The following FGF13 variants were observed in gnomAD, a reference collection of about 807,000 sequenced individuals.
The protein encoded by FGF13 is fibroblast growth factor 13, also known as fibroblast growth factor homologous factor 2.
FGF13 carries 2 observed loss-of-function variants against 19.5 expected under a neutral mutation model. That is an observed-to-expected ratio of 0.10 (90% CI 0.04 to 0.32). The LOEUF (loss-of-function observed/expected upper bound fraction) is 0.32, where lower values mean the gene tolerates loss of function less well. Among genes scored for constraint, FGF13 ranks in the 10% least tolerant of loss-of-function variants. The pLI is 1.00. For synonymous variants in FGF13, 72 were observed against 76.9 expected (o/e 0.94, Z 0.33); for missense variants, 113 against 192.7 (o/e 0.59, Z 2.45).
chrX:139,003,841 C>T (rs997867479), intron 1 of FGF13, among the ~76,000 whole-genome samples: 1 of 111,342 alleles, frequency 9.0e-6, no homozygotes, highest in African/African-American at 3.3e-5. Flanking sequence ...TACAGAATGT[C>T]GATTGGTGCA....
At chrX:138,862,243 A>G (rs1251406046) in intron 2 of FGF13, among the ~76,000 whole-genome samples, 1 of 111,899 alleles carries the variant, frequency 8.9e-6, no homozygotes, top group African/African-American at 3.2e-5. Context: ...GCTGGCTTCA[A>G]GCTGGAAGCA....
rs761103525 is a variant in FGF13 at position 138,616,253 on chromosome X, AT to A, written c.*16596del. The A allele has an allele frequency of 8.9e-6, 1 of 112,655 alleles. No individual in the cohort carries two copies. The highest frequency in any genetic ancestry group is 3.2e-5 in the African/African-American group (1 of 31,000). 9.3% of individuals were successfully genotyped at this position (112,655 alleles called of 1,213,427 possible). On this transcript the variant is annotated 3_prime_UTR_variant, in exon 5 of 5. Coordinates refer to ENST00000315930, the MANE Select transcript of FGF13 (RefSeq NM_004114.5). ...GCAAGTTAGTTATTTCCAAGATACA[AT>A]GGGGGTACAGGAATTGAGTAAAAAT... is the stretch of plus-strand genomic sequence containing the variant.
intron 1 of FGF13, among the ~76,000 whole-genome samples, chrX:138,984,619 AGGAAGAG>A (rs1234473166): frequency 4.3e-4 from 29 of 66,879 alleles, no homozygotes; most frequent in East Asian, 1.2e-3. Flanking sequence ...GAGGAGGATG[AGGAAGAG>A]GAGGAGGAGG....
rs370727756 is a variant in FGF13 at position 138,625,143 on chromosome X, CAT to C, written c.*7705_*7706del. On this transcript the variant is annotated 3_prime_UTR_variant, in exon 5 of 5. Coordinates refer to ENST00000315930, the MANE Select transcript of FGF13 (RefSeq NM_004114.5). The stretch of plus-strand genomic sequence containing the variant: ...ATCAAAACCACAATGTAATATCACA[CAT>C]GTTATTAATAGGAATAATATTATCC... The C allele has an allele frequency of 2.4e-4, 27 of 110,432 alleles. No homozygotes were observed. The highest frequency in any genetic ancestry group is 5.6e-4 in the African/African-American group (17 of 30,448). The allele number at this position is 110,432 out of a possible 1,213,427, so 9.1% of individuals were successfully genotyped here. A position where few individuals can be genotyped will look rare whatever the true frequency, so the allele number is the denominator to read the frequency against.
chrX:138,827,809 CCCTT>C (rs2091044032), intron 3 of FGF13, among the ~76,000 whole-genome samples: 1 of 111,779 alleles, frequency 8.9e-6, no homozygotes, highest in Non-Finnish European at 1.9e-5. Flanking sequence ...AAAATAATTT[CCCTT>C]TATTGATTAC....
At chrX:138,768,726 T>TATATATATATATATA (rs1226957604) in intron 3 of FGF13, among the ~76,000 whole-genome samples, 25 of 97,856 alleles carry the variant, frequency 2.6e-4, no homozygotes, top group African/African-American at 9.1e-4. Flanking sequence ...TAAGTATATA[T>TATATATATATATATA]TATATATATA....
intron 3 of FGF13, among the ~76,000 whole-genome samples, chrX:138,771,747 GA>G (rs1452135895): frequency 3.7e-5 from 4 of 108,907 alleles, no homozygotes; most frequent in Admixed American, 9.9e-5. Flanking sequence ...TCTTCTTGCA[GA>G]AAAAAAAGGA....
chrX:138,767,766 G>T (rs1208398341), intron 3 of FGF13, among the ~76,000 whole-genome samples: 1 of 112,077 alleles, frequency 8.9e-6, no homozygotes, highest in South Asian at 3.7e-4. Context: ...CTAGCCATGT[G>T]ACCTTGGTCA....
At chrX:139,063,028 AT>A (rs752572606) in intron 1 of FGF13, among the ~76,000 whole-genome samples, 5 of 111,764 alleles carry the variant, frequency 4.5e-5, no homozygotes, top group African/African-American at 1.6e-4. Flanking sequence ...GTTAACTGCT[AT>A]TTAGAGGGTC....
At chrX:138,677,481 G>GA (rs1480073181) in intron 3 of FGF13, among the ~76,000 whole-genome samples, 41 of 99,415 alleles carry the variant, frequency 4.1e-4, no homozygotes, top group Non-Finnish European at 4.4e-4. Context: ...AAATGTACAA[G>GA]AAAAAAAACA....
At chrX:139,062,001 TC>T (rs2092337869) in intron 1 of FGF13, among the ~76,000 whole-genome samples, 1 of 111,576 alleles carries the variant, frequency 9.0e-6, no homozygotes, top group South Asian at 3.8e-4. Context: ...TGAAAATATT[TC>T]CCCCATATAT....
At chrX:138,664,214 T>G (rs1169020385) in intron 3 of FGF13, among the ~76,000 whole-genome samples, 3 of 111,934 alleles carry the variant, frequency 2.7e-5, no homozygotes, top group African/African-American at 9.7e-5. Flanking sequence ...GTTTGATTGA[T>G]GCAATGAAGC....
intron 1 of FGF13, among the ~76,000 whole-genome samples, chrX:139,175,352 G>C (rs2084171883): frequency 8.9e-6 from 1 of 112,303 alleles, no homozygotes; most frequent in Non-Finnish European, 1.9e-5. Context: ...TGCATACAGA[G>C]ACAATTTGAC....
At chrX:138,996,041 A>G (rs995105699) in intron 1 of FGF13, among the ~76,000 whole-genome samples, 1 of 111,710 alleles carries the variant, frequency 9.0e-6, no homozygotes, top group African/African-American at 3.3e-5. Flanking sequence ...ATAAACTTGA[A>G]AAGCAGTCTG....
chrX:139,056,270 T>C (rs2092320391), intron 1 of FGF13, among the ~76,000 whole-genome samples: 1 of 112,482 alleles, frequency 8.9e-6, no homozygotes. Flanking sequence ...AGATAATTAC[T>C]GAAGAACTAA....
At chrX:138,860,474 A>G (rs112694953) in intron 2 of FGF13, among the ~76,000 whole-genome samples, 11,841 of 111,125 alleles carry the variant, frequency 0.11, 1,542 homozygotes, top group African/African-American at 0.37. Flanking sequence ...CCCTGGCTTA[A>G]TGCAATGTTT....
intron 1 of FGF13, among the ~76,000 whole-genome samples, chrX:138,887,539 C>G (rs1403777395): frequency 2.7e-5 from 3 of 111,235 alleles, no homozygotes; most frequent in Non-Finnish European, 3.8e-5. Context: ...TTGGCCCTAC[C>G]ACTTACCAGC....
chrX:138,994,643 T>C (rs1603107249), intron 1 of FGF13, among the ~76,000 whole-genome samples: 1 of 111,259 alleles, frequency 9.0e-6, no homozygotes, highest in South Asian at 3.8e-4. Context: ...AGCATTTGCA[T>C]CAATATTCAT....
chrX:138,635,708 T>A, intron 3 of FGF13, 53 bp from the exon 4 acceptor site: 1 of 968,436 alleles, frequency 1.0e-6, no homozygotes, highest in South Asian at 2.1e-5. Context: ...ATGAATTTCC[T>A]GTAGAATCAT....
Sources: gnomAD v4.1 joint callset for allele counts (sites outside exome capture counted in the v4.1 genomes callset) on GRCh38, gnomAD v4.1.1 for gene constraint, MANE v1.5 for transcripts, NCBI Gene and HGNC (gene_info 2026-07-23, HGNC 2026-07-21) for gene names.